Variants in CSMD1 observed in about 807,000 individuals in gnomAD.
The protein encoded by CSMD1 is CUB and Sushi multiple domains 1.
CSMD1 carries 213 observed loss-of-function variants against 417.5 expected under a neutral mutation model. That is an observed-to-expected ratio of 0.51 (90% CI 0.46 to 0.57). The LOEUF (loss-of-function observed/expected upper bound fraction) is 0.57, where lower values mean the gene tolerates loss of function less well. Among genes scored for constraint, CSMD1 ranks in the 20% least tolerant of loss-of-function variants. The pLI, the probability that CSMD1 is intolerant of heterozygous loss-of-function variation, is 0.00. For missense variants in CSMD1, 6,923 were observed against 4,529.7 expected (o/e 1.53, Z -15.17); for synonymous variants, 2,862 against 1,736.8 (o/e 1.65, Z -16.11).
chr8:4,392,921 A>T (rs970255733), intron 3 of CSMD1, among the ~76,000 whole-genome samples: 6 of 151,910 alleles, frequency 3.9e-5, no homozygotes, highest in Non-Finnish European at 8.8e-5. Context: ...GTGAGCGGAG[A>T]TCCTGCCACT....
chr8:4,814,196 T>TTGTGTGTGTG (rs35824182), intron 1 of CSMD1, among the ~76,000 whole-genome samples: 6 of 149,808 alleles, frequency 4.0e-5, no homozygotes, highest in African/African-American at 9.8e-5. Context: ...CAGAATGATT[T>TTGTGTGTGTG]TGTGTGTGTG....
At chr8:3,957,712 G>T (rs1370990982) in intron 5 of CSMD1, among the ~76,000 whole-genome samples, 1 of 114,008 alleles carries the variant, frequency 8.8e-6, no homozygotes, top group Non-Finnish European at 1.9e-5. Context: ...AAGAGGAAAA[G>T]AGAAAAGAAA....
At position 3,181,084 on chromosome 8, in the gene CSMD1, C is replaced by G. The variant is rs750396153; in HGVS notation, c.5725+26G>C. On this transcript the variant is annotated intron_variant, in intron 37 of 69. Coordinates refer to ENST00000635120, the MANE Select transcript of CSMD1 (RefSeq NM_033225.6). ...AAATGACTCAGTATAACAGTGGAAG[C>G]TGTATACAGAAAGAGTTGACCTTAC... 3 of 1,397,456 alleles carry G rather than the reference C, an allele frequency of 2.1e-6. No homozygotes were observed. In the South Asian group the frequency reaches 3.5e-5, roughly 16 times the overall value. The allele number at this position is 1,397,456 out of a possible 1,614,324, so 86.6% of individuals were successfully genotyped here.
intron 5 of CSMD1, among the ~76,000 whole-genome samples, chr8:3,842,156 G>A (rs1803179675): frequency 6.6e-6 from 1 of 152,064 alleles, no homozygotes; most frequent in Non-Finnish European, 1.5e-5. Context: ...AACAACCTCA[G>A]GTTTTCTTAA....
chr8:3,156,313 A>G (rs966833598), intron 39 of CSMD1, among the ~76,000 whole-genome samples: 1 of 152,224 alleles, frequency 6.6e-6, no homozygotes, highest in Admixed American at 6.5e-5. Flanking sequence ...ACAGCACCCC[A>G]GAAGTGTGAC....
chr8:4,892,735 C>T (rs1004635944), intron 1 of CSMD1, among the ~76,000 whole-genome samples: 2 of 151,912 alleles, frequency 1.3e-5, no homozygotes, highest in East Asian at 3.9e-4. Context: ...CTTTTGCTTT[C>T]TGATTTGCAT....
intron 7 of CSMD1, among the ~76,000 whole-genome samples, chr8:3,652,304 G>C (rs1797897034): frequency 6.7e-6 from 1 of 150,170 alleles, no homozygotes; most frequent in South Asian, 2.1e-4. Context: ...CTGTCAGCAT[G>C]CTTAACCACC....
In CSMD1 at chr8:3,633,821, C is replaced by G. The variant is rs936603602; in HGVS notation, c.1010-17024G>C. 2.0e-5 allele frequency among the ~76,000 whole-genome samples: 3 copies of G among 152,086 alleles called. No individual in the cohort carries two copies. The East Asian group carries it at 5.8e-4, about 29-fold the overall frequency. On this transcript the variant is annotated intron_variant, in intron 7 of 69. Coordinates refer to ENST00000635120, the MANE Select transcript of CSMD1 (RefSeq NM_033225.6). Reference sequence around the variant, plus strand: ...TATCCACTTGATGCATAGCTTGTAACCAGCTATGAAGTGTTAAATATCAGG... The same window carrying G: ...TATCCACTTGATGCATAGCTTGTAAGCAGCTATGAAGTGTTAAATATCAGG...
chr8:4,526,137 G>T (rs2130426929), intron 2 of CSMD1, among the ~76,000 whole-genome samples: 1 of 152,238 alleles, frequency 6.6e-6, no homozygotes, highest in African/African-American at 2.4e-5. Flanking sequence ...ACATAAAAAG[G>T]GAGAAAGTGT....
chr8:3,970,045 G>A (rs570093212), intron 5 of CSMD1, among the ~76,000 whole-genome samples: 2 of 152,142 alleles, frequency 1.3e-5, no homozygotes, highest in Non-Finnish European at 2.9e-5. Flanking sequence ...AGCATACTGA[G>A]CTACCAAACT....
intron 2 of CSMD1, among the ~76,000 whole-genome samples, chr8:4,600,490 G>C (rs1007736391): frequency 9.9e-5 from 15 of 152,032 alleles, no homozygotes; most frequent in Non-Finnish European, 2.1e-4. Flanking sequence ...AGATATAATA[G>C]GCTAAATAAA....
At chr8:2,994,443 C>G (rs968555113) in intron 54 of CSMD1, among the ~76,000 whole-genome samples, 1 of 152,236 alleles carries the variant, frequency 6.6e-6, no homozygotes, top group East Asian at 1.9e-4. Flanking sequence ...TGATGTCATG[C>G]GGACAACTCA....
intron 5 of CSMD1, among the ~76,000 whole-genome samples, chr8:3,848,594 C>T (rs910497474): frequency 1.3e-5 from 2 of 152,126 alleles, no homozygotes; most frequent in African/African-American, 4.8e-5. Flanking sequence ...GTACTTTGAA[C>T]TGCTCAATTT....
intron 3 of CSMD1, among the ~76,000 whole-genome samples, chr8:4,106,698 T>C (rs1801585838): frequency 6.6e-6 from 1 of 152,204 alleles, no homozygotes; most frequent in South Asian, 2.1e-4. Context: ...TACCAAGTCT[T>C]TAAGATCTGA....
At chr8:4,939,951 A>T (rs77247776) in intron 1 of CSMD1, among the ~76,000 whole-genome samples, 35,640 of 152,098 alleles carry the variant, frequency 0.23, 4,316 homozygotes, top group East Asian at 0.38. Flanking sequence ...TATAAATTTA[A>T]AAAAAGATTG....
At chr8:3,915,337 C>A (rs2948654) in intron 5 of CSMD1, among the ~76,000 whole-genome samples, 2 of 143,330 alleles carry the variant, frequency 1.4e-5, no homozygotes, top group Non-Finnish European at 3.0e-5. Context: ...ACCCAGGAAG[C>A]GGAAGTTGCA....
chr8:3,108,589 G>A lies in CSMD1; in HGVS notation c.6754+14C>T, dbSNP rs771860944. 1.9e-6 allele frequency: 3 copies of A among 1,613,118 alleles called. No homozygotes were observed. The highest frequency in any genetic ancestry group is 1.1e-5 in the South Asian group (1 of 90,822). ...AATTCTCAGTCTTAACTAACGGAGT[G>A]AAAATCAACTGACCGTGGAAATTGA... On this transcript the variant is annotated intron_variant, in intron 44 of 69. Transcript: ENST00000635120.
At chr8:4,351,295 A>G (rs890162439) in intron 3 of CSMD1, among the ~76,000 whole-genome samples, 9 of 152,146 alleles carry the variant, frequency 5.9e-5, no homozygotes, top group African/African-American at 1.9e-4. Flanking sequence ...CTAACAAGAG[A>G]TTTTTCAATG....
intron 5 of CSMD1, among the ~76,000 whole-genome samples, chr8:3,777,656 G>A (rs534714197): frequency 1.1e-4 from 17 of 152,354 alleles, no homozygotes; most frequent in African/African-American, 3.8e-4. Context: ...CCTCCAAGGA[G>A]CCTCCTTGAA....
Sources: gnomAD v4.1 joint callset for allele counts (sites outside exome capture counted in the v4.1 genomes callset) on GRCh38, gnomAD v4.1.1 for gene constraint, MANE v1.5 for transcripts, NCBI Gene and HGNC (gene_info 2026-07-23, HGNC 2026-07-21) for gene names.